SZRD1: variants seen among roughly 807,000 people sequenced by gnomAD.
SZRD1 encodes the protein SUZ RNA binding domain containing 1.
A neutral mutation model predicts 17.6 loss-of-function variants in SZRD1; 7 were observed. That is an observed-to-expected ratio of 0.40 (90% CI 0.23 to 0.75). SZRD1 has a LOEUF of 0.75. Ranked by LOEUF, SZRD1 falls within the 30% of genes least tolerant of loss-of-function variation. The pLI is 0.38. For synonymous variants in SZRD1, 77 were observed against 77.9 expected, an observed-to-expected ratio of 0.99 and a Z score of 0.06; for missense variants, 178 against 201.8, an observed-to-expected ratio of 0.88 and a Z score of 0.71.
intron 1 of SZRD1, among the ~76,000 whole-genome samples, chr1:16,379,241 T>A (rs1472147116): frequency 6.6e-6 from 1 of 152,072 alleles, no homozygotes; most frequent in Middle Eastern, 3.2e-3. Flanking sequence ...TGCCTCAGCC[T>A]CCCAAGTAGC....
chr1:16,377,291 T>C (rs2083020952), intron 1 of SZRD1, among the ~76,000 whole-genome samples: 1 of 151,864 alleles, frequency 6.6e-6, no homozygotes, highest in South Asian at 2.1e-4. Flanking sequence ...AGCCTTGCAG[T>C]CATTATAAAA....
intron 1 of SZRD1, among the ~76,000 whole-genome samples, chr1:16,383,779 CT>C (rs1473750445): frequency 6.6e-6 from 1 of 151,962 alleles, no homozygotes; most frequent in Non-Finnish European, 1.5e-5. Context: ...GCCACCACGC[CT>C]GGCTAATTTT....
At position 16,395,200 on chromosome 1, in the gene SZRD1, C is replaced by T. The variant is rs780551817; in HGVS notation, c.*60C>T. 8.3e-6 allele frequency: 10 copies of T among 1,211,290 alleles called. No individual in the cohort carries two copies. The highest frequency in any genetic ancestry group is 1.5e-5 in the African/African-American group (1 of 67,382). The allele number at this position is 1,211,290 out of a possible 1,614,324, so 75.0% of individuals were successfully genotyped here. ...TCACCGCCTCCTGGGTCGTCCGCCA[C>T]GGGTTGCACTGCCGTGGCAGACAGC... On this transcript the variant is annotated 3_prime_UTR_variant, in exon 4 of 4. Transcript: ENST00000401088.
intron 1 of SZRD1, among the ~76,000 whole-genome samples, chr1:16,379,302 A>G (rs901794296): frequency 1.3e-5 from 2 of 151,278 alleles, no homozygotes; most frequent in African/African-American, 4.9e-5. Flanking sequence ...TGTTTTTAGT[A>G]GAGACGGGGT....
chr1:16,382,714 T>C (rs2100724684), intron 1 of SZRD1, among the ~76,000 whole-genome samples: 1 of 150,924 alleles, frequency 6.6e-6, no homozygotes, highest in African/African-American at 2.4e-5. Flanking sequence ...ATGCTGGTCT[T>C]AAACTCCTGA....
chr1:16,388,036 C>T lies in SZRD1; in HGVS notation c.52-3339C>T, dbSNP rs2085155704. ...TCTTTGGCACCAACTGTGTTCCAAGCTGGAGCGAGAGGTTTCCATTTTAGT... is the reference window on the plus strand; with the variant it reads ...TCTTTGGCACCAACTGTGTTCCAAGTTGGAGCGAGAGGTTTCCATTTTAGT... On this transcript the variant is annotated intron_variant, in intron 1 of 3. Coordinates refer to ENST00000401088, the MANE Select transcript of SZRD1 (RefSeq NM_001114600.3). 2.6e-5 allele frequency among the ~76,000 whole-genome samples: 4 copies of T among 152,182 alleles called. No individual in the cohort carries two copies. In the South Asian group the frequency reaches 8.3e-4, roughly 31 times the overall value.
rs140152109 is a variant in SZRD1, at chr1:16,374,387, G to A, written c.51+7079G>A. 8.8e-3 allele frequency among the ~76,000 whole-genome samples: 1,339 copies of A among 152,304 alleles called. 10 individuals are homozygous for A. Among genetic ancestry groups the A allele is most frequent in the Non-Finnish European group, 0.014 (922 of 68,028 alleles). On this transcript the variant is annotated intron_variant, in intron 1 of 3. Coordinates refer to ENST00000401088, the MANE Select transcript of SZRD1 (RefSeq NM_001114600.3). ...TTCACTGTGGCTTCAAAGAAAGGAGGATAATGAGCTTTTCACTAGTAACTT... is the reference window on the plus strand; with the variant it reads ...TTCACTGTGGCTTCAAAGAAAGGAGAATAATGAGCTTTTCACTAGTAACTT...
rs575455256 is a variant in SZRD1 at position 16,395,147 on chromosome 1, G to A, written c.*7G>A. The A allele has an allele frequency of 8.7e-6, 14 of 1,605,144 alleles. No homozygotes were observed. In the East Asian group the frequency reaches 2.2e-4, roughly 26 times the overall value. On this transcript the variant is annotated 3_prime_UTR_variant, in exon 4 of 4. Coordinates refer to ENST00000401088, the MANE Select transcript of SZRD1 (RefSeq NM_001114600.3). The stretch of plus-strand genomic sequence containing the variant: ...CTTCAAACAGCGCAGATAAATGCAG[G>A]CAAGAAAAGATGCCGCCGTTGCTGC...
rs1210108557 is a variant in SZRD1, at chr1:16,391,369, C to T, written c.52-6C>T. On this transcript the variant is annotated splice_polypyrimidine_tract_variant and splice_region_variant and intron_variant, in intron 1 of 3. Coordinates refer to ENST00000401088, the MANE Select transcript of SZRD1 (RefSeq NM_001114600.3). This position sits in a 1 kb window ranked among gnomAD's most constrained non-coding sequence, Gnocchi z 4.3. Reference sequence around the variant, plus strand: ...TCCTCTTTTTATATACATTTTTTTCCTCTAGGAAATAGACAGACGGTTGGA... The same window carrying T: ...TCCTCTTTTTATATACATTTTTTTCTTCTAGGAAATAGACAGACGGTTGGA... The T allele has an allele frequency of 1.9e-6, 3 of 1,539,940 alleles. No individual in the cohort carries two copies. The highest frequency in any genetic ancestry group is 2.6e-6 in the Non-Finnish European group (3 of 1,139,474).
At chr1:16,371,543 GCTCCGC>G (rs2082914629) in intron 1 of SZRD1, among the ~76,000 whole-genome samples, 1 of 147,840 alleles carries the variant, frequency 6.8e-6, no homozygotes, top group South Asian at 2.1e-4. Flanking sequence ...CTCATTGCAA[GCTCCGC>G]CTCCCGGGTT....
At chr1:16,386,637 C>T (rs1382935750) in intron 1 of SZRD1, among the ~76,000 whole-genome samples, 1 of 152,140 alleles carries the variant, frequency 6.6e-6, no homozygotes, top group Non-Finnish European at 1.5e-5. Context: ...CAGAGCATTC[C>T]TTCTCCTGCT....
chr1:16,384,877 T>G (rs1428086418), intron 1 of SZRD1, among the ~76,000 whole-genome samples: 1 of 152,156 alleles, frequency 6.6e-6, no homozygotes, highest in Non-Finnish European at 1.5e-5. Flanking sequence ...CTTGTAGACT[T>G]GTGCACCCTG....
At chr1:16,382,041 G>A (rs929892271) in intron 1 of SZRD1, among the ~76,000 whole-genome samples, 11 of 152,352 alleles carry the variant, frequency 7.2e-5, no homozygotes, top group African/African-American at 2.6e-4. Flanking sequence ...TGGGGCCAAT[G>A]TGGTGGCCAT....
chr1:16,390,100 AACAC>A (rs1384208767), intron 1 of SZRD1, among the ~76,000 whole-genome samples: 7 of 152,202 alleles, frequency 4.6e-5, no homozygotes, highest in Non-Finnish European at 1.0e-4. Flanking sequence ...TCTCTAGAAA[AACAC>A]AGAATTTTGC....
Position 16,395,127 on chromosome 1 carries a change from A to G in SZRD1, c.446A>G (p.Lys149Arg). 1 of 1,612,128 alleles carries G rather than the reference A, an allele frequency of 6.2e-7. No individual in the cohort carries two copies. The highest frequency in any genetic ancestry group is 8.5e-7 in the Non-Finnish European group (1 of 1,178,144). Residue 149 changes from lysine (K) to arginine (R), a missense_variant, in exon 4 of 4, where the codon AAA (lysine) becomes AGA (arginine). Physicochemically the swap from Lys to Arg is conservative, Grantham distance 26. Around this residue, in one of 3 missense-constraint regions of SZRD1, gnomAD observed 57 missense variants for 71.9 expected, o/e 0.79. Coordinates refer to ENST00000401088, the MANE Select transcript of SZRD1 (RefSeq NM_001114600.3). ...GGTCCTGATGGGTCTCAAGGCTTCAAACAGCGCAGATAAATGCAGGCAAGA... is the reference window on the plus strand; with the variant it reads ...GGTCCTGATGGGTCTCAAGGCTTCAGACAGCGCAGATAAATGCAGGCAAGA... Reference protein sequence around the residue: ...PLGPDGSQGFKQRR With the variant: ...PLGPDGSQGFRQRR
rs1480506477 is a variant in SZRD1, at chr1:16,396,180, T to C, written c.*1040T>C. 1 of 152,580 alleles carries C rather than the reference T, an allele frequency of 6.6e-6. No individual in the cohort carries two copies. Among genetic ancestry groups the C allele is most frequent in the Non-Finnish European group, 1.5e-5 (1 of 68,086 alleles). The allele number at this position is 152,580 out of a possible 1,614,324, so 9.5% of individuals were successfully genotyped here. ...CCAGGAGAGAGTCTGCCTCCAGGAC[T>C]CTGAGCCTTCTGCCTCGTATGTTCA... On this transcript the variant is annotated 3_prime_UTR_variant, in exon 4 of 4. Coordinates refer to ENST00000401088, the MANE Select transcript of SZRD1 (RefSeq NM_001114600.3).
intron 1 of SZRD1, among the ~76,000 whole-genome samples, chr1:16,382,400 C>T (rs1039527678): frequency 1.3e-5 from 2 of 151,890 alleles, no homozygotes; most frequent in African/African-American, 4.8e-5. Flanking sequence ...GTTGGCCAGG[C>T]TGGTCTGGAA....
chr1:16,374,683 C>T (rs956352746), intron 1 of SZRD1, among the ~76,000 whole-genome samples: 9 of 152,110 alleles, frequency 5.9e-5, no homozygotes, highest in African/African-American at 1.7e-4. Context: ...CTGTTGGCCC[C>T]GACAGCTAGC....
chr1:16,379,936 AT>A (rs2083070711), intron 1 of SZRD1, among the ~76,000 whole-genome samples: 1 of 151,604 alleles, frequency 6.6e-6, no homozygotes, highest in Non-Finnish European at 1.5e-5. Flanking sequence ...AATTTTTTGT[AT>A]TTTTAGTAGA....
Sources: gnomAD v4.1 joint callset for allele counts (sites outside exome capture counted in the v4.1 genomes callset) on GRCh38, gnomAD v4.1.1 for gene constraint, gnomAD v4.1.1 regional missense constraint, Gnocchi (gnomAD v3.1) non-coding constraint, MANE v1.5 for transcripts, NCBI Gene and HGNC (gene_info 2026-07-23, HGNC 2026-07-21) for gene names.